The following PDZD2 variants were observed in gnomAD, a reference collection of about 807,000 sequenced individuals.
The protein encoded by PDZD2 is PDZ domain containing 2.
Under a neutral mutation model 220.7 loss-of-function variants are expected in PDZD2, and 90 were observed. The ratio of observed to expected loss-of-function variants is 0.41; its 90% confidence interval spans 0.34 to 0.49. The LOEUF is 0.49. PDZD2 is among the 20% of genes least tolerant of loss of function. The pLI is 0.28. For missense variants in PDZD2, 3,174 were observed against 3,608.5 expected (o/e 0.88, Z 3.08); for synonymous variants, 1,375 against 1,450.5 (o/e 0.95, Z 1.18).
intron 1 of PDZD2, among the ~76,000 whole-genome samples, chr5:31,682,789 T>A (rs1746700112): frequency 6.6e-6 from 1 of 151,866 alleles, no homozygotes; most frequent in Admixed American, 6.6e-5. Flanking sequence ...AATTTTTACG[T>A]AGACCAAGAC....
At position 32,108,271 on chromosome 5, in the gene PDZD2, C is replaced by CTGT; in HGVS notation, c.*136_*137insTGT. The CTGT allele has an allele frequency of 3.5e-6, 2 of 566,664 alleles. No homozygotes were observed. The highest frequency in any genetic ancestry group is 6.0e-6 in the Non-Finnish European group (2 of 331,936). 35.1% of individuals were successfully genotyped at this position (566,664 alleles called of 1,614,324 possible). A position where few individuals can be genotyped will look rare whatever the true frequency, so the allele number is the denominator to read the frequency against. On this transcript the variant is annotated 3_prime_UTR_variant, in exon 25 of 25. Coordinates refer to ENST00000438447, the MANE Select transcript of PDZD2 (RefSeq NM_178140.4). ...AAAAATCTCCAAGCTTGTGCTTACA[C>CTGT]ATGAAGCCTGACTTAACTGTATGTG...
rs1469077606 is a variant in PDZD2, at chr5:31,706,116, C to T, written c.-361+66679C>T. On this transcript the variant is annotated intron_variant, in intron 1 of 24. Coordinates refer to ENST00000438447, the MANE Select transcript of PDZD2 (RefSeq NM_178140.4). ...AAGGATTATTTGCTGGTTTTATTCA[C>T]TGATGGATCCCACACAACTGGATTA... Among the ~76,000 whole-genome samples, 5 of 152,296 alleles carry T rather than the reference C, an allele frequency of 3.3e-5. No homozygotes were observed. The South Asian group carries it at 8.3e-4, about 25-fold the overall frequency.
intron 2 of PDZD2, among the ~76,000 whole-genome samples, chr5:31,866,076 A>T (rs1738204578): frequency 2.0e-5 from 3 of 151,822 alleles, no homozygotes; most frequent in African/African-American, 4.8e-5. Flanking sequence ...ATGAGAGCTC[A>T]CTGCAACCTC....
intron 2 of PDZD2, among the ~76,000 whole-genome samples, chr5:31,893,336 C>G (rs1390119026): frequency 6.6e-6 from 1 of 152,100 alleles, no homozygotes; most frequent in Admixed American, 6.6e-5. Flanking sequence ...TTTGGGAGAC[C>G]AAGGTGGGCG....
chr5:31,666,518 G>A (rs1041397139), intron 1 of PDZD2, among the ~76,000 whole-genome samples: 6 of 152,226 alleles, frequency 3.9e-5, no homozygotes, highest in African/African-American at 1.2e-4. Flanking sequence ...TTTACAAGGC[G>A]ATGGTTGCTT....
intron 21 of PDZD2, among the ~76,000 whole-genome samples, chr5:32,096,664 A>G (rs761853193): frequency 5.9e-5 from 9 of 152,064 alleles, no homozygotes; most frequent in Admixed American, 3.9e-4. Flanking sequence ...CTGAAATCCA[A>G]TGATGGGGAG....
At chr5:31,847,607 T>C (rs995795692) in intron 2 of PDZD2, 72 of 651,642 alleles carry the variant, frequency 1.1e-4, no homozygotes, top group Non-Finnish European at 5.7e-5. Flanking sequence ...AGGTTTGGCA[T>C]GGGCAAGATC....
rs1745221722 is a variant in PDZD2, at chr5:32,110,024, G to C, written c.*1889G>C. On this transcript the variant is annotated 3_prime_UTR_variant, in exon 25 of 25. Transcript: ENST00000438447. The stretch of plus-strand genomic sequence containing the variant: ...AGAATACTGTAGGAAGTCAGTGCAA[G>C]GTGCATGCTTGATTGATAGATATTG... 1 of 121,166 alleles carries C rather than the reference G, an allele frequency of 8.3e-6. No homozygotes were observed. 7.5% of individuals were successfully genotyped at this position (121,166 alleles called of 1,614,324 possible). A position where few individuals can be genotyped will look rare whatever the true frequency, so the allele number is the denominator to read the frequency against.
At chr5:31,679,140 T>C (rs1746558644) in intron 1 of PDZD2, among the ~76,000 whole-genome samples, 1 of 152,202 alleles carries the variant, frequency 6.6e-6, no homozygotes, top group African/African-American at 2.4e-5. Context: ...GCTCTCTGTT[T>C]TGTGGGAGAC....
At chr5:31,989,084 G>A (rs1015396595) in intron 3 of PDZD2, among the ~76,000 whole-genome samples, 1 of 152,180 alleles carries the variant, frequency 6.6e-6, no homozygotes, top group African/African-American at 2.4e-5. Context: ...GGGGATGGAG[G>A]TGCAGATTTC....
At chr5:31,743,473 G>A (rs1446655499) in intron 1 of PDZD2, among the ~76,000 whole-genome samples, 6 of 152,034 alleles carry the variant, frequency 3.9e-5, no homozygotes, top group Admixed American at 3.9e-4. Context: ...TCTACTGCTT[G>A]TCGTTGCTTG....
At chr5:32,010,562 G>A in intron 6 of PDZD2, 80 bp downstream of exon 6, 3 of 925,790 alleles carry the variant, frequency 3.2e-6, no homozygotes, top group Non-Finnish European at 5.3e-6. Flanking sequence ...GGGGATAAAT[G>A]CTTGAGATAG....
At chr5:31,980,364 T>A (rs150022308) in intron 2 of PDZD2, among the ~76,000 whole-genome samples, 1 of 152,374 alleles carries the variant, frequency 6.6e-6, no homozygotes, top group East Asian at 1.9e-4. Context: ...AGCATATAAT[T>A]TATTCCTTTT....
chr5:31,903,276 A>G (rs972652235), intron 2 of PDZD2, among the ~76,000 whole-genome samples: 1 of 152,148 alleles, frequency 6.6e-6, no homozygotes, highest in African/African-American at 2.4e-5. Context: ...CCTGGGCAAC[A>G]AAGTGAGACT....
chr5:31,816,827 C>T (rs1755489945), intron 2 of PDZD2, among the ~76,000 whole-genome samples: 1 of 152,278 alleles, frequency 6.6e-6, no homozygotes, highest in Non-Finnish European at 1.5e-5. Flanking sequence ...ATGCCACTAA[C>T]ATATTTCTTC....
chr5:31,684,659 C>T (rs1286152487), intron 1 of PDZD2, among the ~76,000 whole-genome samples: 1 of 151,902 alleles, frequency 6.6e-6, no homozygotes, highest in Non-Finnish European at 1.5e-5. Context: ...ATTCATAGTC[C>T]TCACCAGCCA....
chr5:31,981,515 C>T lies in PDZD2; in HGVS notation c.477-1640C>T, dbSNP rs115926558. On this transcript the variant is annotated intron_variant, in intron 2 of 24. Transcript: ENST00000438447. The stretch of plus-strand genomic sequence containing the variant: ...GCCTCCTTCCAATGTAATGTAATGA[C>T]TGCCCCAGCTCTCAGGTCTGATTTC... Among the ~76,000 whole-genome samples, 1,029 of 152,312 alleles carry T rather than the reference C, an allele frequency of 6.8e-3. 13 individuals carry two copies. Among genetic ancestry groups the T allele is most frequent in the African/African-American group, 0.023 (961 of 41,570 alleles).
At chr5:32,010,785 C>G in intron 6 of PDZD2, 2 of 405,032 alleles carry the variant, frequency 4.9e-6, no homozygotes, top group Non-Finnish European at 9.5e-6. Flanking sequence ...CACCTGAGGT[C>G]AGGAGTTCAA....
chr5:31,979,298 G>C (rs944662613), intron 2 of PDZD2, among the ~76,000 whole-genome samples: 34 of 152,284 alleles, frequency 2.2e-4, no homozygotes, highest in African/African-American at 7.9e-4. Context: ...GGCCAAGAGT[G>C]GTAGCTCACG....
Sources: allele counts gnomAD v4.1 joint callset (sites outside exome capture counted in the v4.1 genomes callset), GRCh38; gene constraint gnomAD v4.1.1; transcripts MANE v1.5; gene names NCBI Gene and HGNC (gene_info 2026-07-23, HGNC 2026-07-21).